The following DMAC2 variants were observed in gnomAD, a reference collection of about 807,000 sequenced individuals.
DMAC2 encodes distal membrane-arm assembly complex protein 2.
Under a neutral mutation model 29.6 loss-of-function variants are expected in DMAC2, and 32 were observed. The ratio of observed to expected loss-of-function variants is 1.08; its 90% confidence interval spans 0.81 to 1.45. DMAC2 has a LOEUF of 1.45. Among genes scored for constraint, DMAC2 ranks in the 40% most tolerant of loss-of-function variants. The pLI is 0.00. For missense variants in DMAC2, 319 were observed against 340.0 expected (o/e 0.94, Z 0.49); for synonymous variants, 133 against 137.4 (o/e 0.97, Z 0.23).
chr19:41,438,222 T>C lies in DMAC2; in HGVS notation c.211A>G (p.Asn71Asp). The change falls in exon 2 of 6, where the codon AAT (asparagine) becomes GAT (aspartate). Residue 71 changes from asparagine (N) to aspartate (D), a missense_variant. By Grantham distance (23) the Asn-to-Asp change is conservative. Transcript: ENST00000221943. The part of the protein sequence containing the change: ...QREMYKVHEK[N>D]RSYTWLEKQH... ...TTGCAGACCAGGGATTCTCACCGAT[T>C]TTTCTCATGCACCTTGTACATCTCC... is the stretch of plus-strand genomic sequence containing the variant. 1 of 1,613,654 alleles carries C rather than the reference T, an allele frequency of 6.2e-7. No individual in the cohort carries two copies. The highest frequency in any genetic ancestry group is 1.1e-5 in the South Asian group (1 of 91,060).
In DMAC2 at chr19:41,434,546, T is replaced by C. The variant is rs189984086; in HGVS notation, c.297-873A>G. On this transcript the variant is annotated intron_variant, in intron 3 of 5. Transcript: ENST00000221943. ...AGAAGTTAAGGGACATTTTCAAACA[T>C]GTATACTGTTTCTAAGGAAGTTGCC... Among the ~76,000 whole-genome samples the C allele has an allele frequency of 8.7e-3, 1,324 of 151,916 alleles. 10 individuals carry two copies. Among genetic ancestry groups the C allele is most frequent in the South Asian group, 0.026 (127 of 4,818 alleles).
rs373371833 is a variant in DMAC2 at position 41,434,566 on chromosome 19, GT to G, written c.297-894del. Among the ~76,000 whole-genome samples, 785 of 152,232 alleles carry G rather than the reference GT, an allele frequency of 5.2e-3. 12 individuals carry two copies. The highest frequency in any genetic ancestry group is 0.018 in the African/African-American group (740 of 41,522). On this transcript the variant is annotated intron_variant, in intron 3 of 5. Transcript: ENST00000221943. The stretch of plus-strand genomic sequence containing the variant: ...AAACATGTATACTGTTTCTAAGGAA[GT>G]TGCCAGAGGAAGTGCTCAAACCAGA...
At chr19:41,435,684 T>C (rs1252799493) in intron 3 of DMAC2, among the ~76,000 whole-genome samples, 5 of 152,078 alleles carry the variant, frequency 3.3e-5, no homozygotes, top group Admixed American at 3.3e-4. Flanking sequence ...CTTAGCCTCC[T>C]GAGTGGCTGG....
intron 2 of DMAC2, among the ~76,000 whole-genome samples, chr19:41,437,492 A>C (rs2039930824): frequency 6.6e-6 from 1 of 152,202 alleles, no homozygotes; most frequent in African/African-American, 2.4e-5. Context: ...TGAGGTCAGG[A>C]GTTCGAGAGC....
Position 41,432,267 on chromosome 19 carries a change from C to T in DMAC2, c.738G>A (p.Glu246=). 2 of 1,614,132 alleles carry T rather than the reference C, an allele frequency of 1.2e-6. No individual in the cohort carries two copies. Among genetic ancestry groups the T allele is most frequent in the East Asian group, 2.2e-5 (1 of 44,892 alleles). The stretch of plus-strand genomic sequence containing the variant: ...CAGGGCTGGCTGTGTCCCGAGGCTG[C>T]TCCTCCGGCCCTGACTTCAGGCCCT... ...WAEGLKSGPE[E]QPRDTASPVP... is the part of the protein sequence containing the mutation. Residue 246 remains glutamate, a synonymous_variant, in exon 6 of 6, where the codon GAG becomes GAA. Coordinates refer to ENST00000221943, the MANE Select transcript of DMAC2 (RefSeq NM_018035.3).
intron 5 of DMAC2, chr19:41,432,842 A>C: frequency 2.2e-6 from 1 of 463,216 alleles, no homozygotes; most frequent in South Asian, 3.0e-5. Context: ...CCCAAATTTC[A>C]ACCTTACAGG....
chr19:41,432,180 C>T lies in DMAC2; in HGVS notation c.*51G>A. 1 of 1,574,824 alleles carries T rather than the reference C, an allele frequency of 6.3e-7. No homozygotes were observed. Among genetic ancestry groups the T allele is most frequent in the Non-Finnish European group, 8.7e-7 (1 of 1,155,286 alleles). On this transcript the variant is annotated 3_prime_UTR_variant, in exon 6 of 6. Coordinates refer to ENST00000221943, the MANE Select transcript of DMAC2 (RefSeq NM_018035.3). ...GCCAGAAGTGTGGTGAGCTACCAGA[C>T]ATTCCATGCAGCCCGCTGAGAAGCC...
chr19:41,436,058 TAG>T (rs1227410832), intron 3 of DMAC2, among the ~76,000 whole-genome samples: 1 of 152,168 alleles, frequency 6.6e-6, no homozygotes, highest in Non-Finnish European at 1.5e-5. Flanking sequence ...GTATTTTTAG[TAG>T]AGACAGGGTT....
chr19:41,432,783 C>CGTGCGTGT (rs1555769722), intron 5 of DMAC2: 47 of 303,398 alleles, frequency 1.5e-4, no homozygotes, highest in African/African-American at 1.5e-3. Context: ...GGACAGCGTG[C>CGTGCGTGT]GTGTGTGTGT....
Position 41,431,318 on chromosome 19 carries a change from T to G in DMAC2, c.*913A>C. The G allele has an allele frequency of 1.9e-6, 1 of 518,886 alleles. No homozygotes were observed. Among genetic ancestry groups the G allele is most frequent in the Non-Finnish European group, 3.8e-6 (1 of 259,796 alleles). The allele number at this position is 518,886 out of a possible 1,614,324, so 32.1% of individuals were successfully genotyped here. A position where few individuals can be genotyped will look rare whatever the true frequency, so the allele number is the denominator to read the frequency against. On this transcript the variant is annotated 3_prime_UTR_variant, in exon 6 of 6. Coordinates refer to ENST00000221943, the MANE Select transcript of DMAC2 (RefSeq NM_018035.3). ...CAGTCAGGAGAGAAAAACCACAGAG[T>G]AACTTGAACAGGGAAAGTTTAATAT...
At chr19:41,439,547 G>T in intron 1 of DMAC2, 1 of 1,535,748 alleles carries the variant, frequency 6.5e-7, no homozygotes, top group Non-Finnish European at 8.7e-7. Flanking sequence ...TATCCTACAG[G>T]CCCCACCCTT....
intron 5 of DMAC2, 86 bp downstream of exon 5, chr19:41,433,186 A>G: frequency 7.0e-7 from 1 of 1,424,376 alleles, no homozygotes; most frequent in Non-Finnish European, 9.3e-7. Flanking sequence ...ACTGCCTAAC[A>G]TTGCCCCTCC....
At chr19:41,439,610 CG>C in intron 1 of DMAC2, 1 of 1,495,198 alleles carries the variant, frequency 6.7e-7, no homozygotes. Flanking sequence ...TTAGTCGCGT[CG>C]CTCTTCGGCA....
chr19:41,432,629 T>A, intron 5 of DMAC2: 1 of 542,836 alleles, frequency 1.8e-6, no homozygotes, highest in Non-Finnish European at 3.3e-6. Flanking sequence ...TGTGTGTGTG[T>A]GTGTGTAGGG....
chr19:41,438,649 T>C (rs1369389808), intron 1 of DMAC2, among the ~76,000 whole-genome samples: 1 of 152,212 alleles, frequency 6.6e-6, no homozygotes, highest in Non-Finnish European at 1.5e-5. Flanking sequence ...ATATTGTTGA[T>C]TTTCCTAAAT....
Position 41,432,306 on chromosome 19 carries a change from TC to T in DMAC2, c.698del (p.Gly233GlufsTer8). The T allele has an allele frequency of 6.2e-7, 1 of 1,614,130 alleles. No homozygotes were observed. On this transcript the variant is annotated frameshift_variant, in exon 6 of 6. Transcript: ENST00000221943. LOFTEE classifies it low-confidence loss of function (END_TRUNC). ...EEMLPNCEVV[G>X]VDWAEGLKSG... ...ACTTCAGGCCCTCAGCCCAGTCGAC[TC>T]CCACAACCTCGCAATTGGGCAGCAT...
chr19:41,435,415 C>T (rs549604831), intron 3 of DMAC2, among the ~76,000 whole-genome samples: 8 of 152,130 alleles, frequency 5.3e-5, no homozygotes, highest in South Asian at 2.1e-4. Flanking sequence ...GCATTACAGG[C>T]GTGCGCCACC....
At chr19:41,433,905 C>A (rs1293346274) in intron 3 of DMAC2, among the ~76,000 whole-genome samples, 2 of 150,090 alleles carry the variant, frequency 1.3e-5, no homozygotes, top group Non-Finnish European at 3.0e-5. Flanking sequence ...TGAGACCAGC[C>A]TGGGCAACAT....
rs1352401347 is a variant in DMAC2, at chr19:41,439,900, C to T, written c.-1G>A. Reference sequence around the variant, plus strand: ...CACTTACCGCCCAGGGAGCCGCCATCTTGCTAAGGTTTCGTAACCGGAAGG... The same window carrying T: ...CACTTACCGCCCAGGGAGCCGCCATTTTGCTAAGGTTTCGTAACCGGAAGG... On this transcript the variant is annotated 5_prime_UTR_variant, in exon 1 of 6. Coordinates refer to ENST00000221943, the MANE Select transcript of DMAC2 (RefSeq NM_018035.3). 4 of 1,614,116 alleles carry T rather than the reference C, an allele frequency of 2.5e-6. No homozygotes were observed. The African/African-American group carries it at 5.3e-5, about 22-fold the overall frequency.
Sources: allele counts gnomAD v4.1 joint callset (sites outside exome capture counted in the v4.1 genomes callset), GRCh38; gene constraint gnomAD v4.1.1; transcripts MANE v1.5; gene names NCBI Gene and HGNC (gene_info 2026-07-23, HGNC 2026-07-21).